RGS6: variants seen among roughly 807,000 people sequenced by gnomAD.
RGS6 encodes regulator of G protein signaling 6, also known as regulator of G-protein signaling 6.
RGS6 carries 30 observed loss-of-function variants against 78.5 expected under a neutral mutation model. That is an observed-to-expected ratio of 0.38 (90% CI 0.29 to 0.52). RGS6 has a LOEUF of 0.52. Ranked by LOEUF, RGS6 falls within the 20% of genes least tolerant of loss-of-function variation. The pLI is 0.85. For synonymous variants in RGS6, 206 were observed against 206.0 expected, an observed-to-expected ratio of 1.00 and a Z score of 0.00; for missense variants, 495 against 609.7, an observed-to-expected ratio of 0.81 and a Z score of 1.98.
intron 3 of RGS6, among the ~76,000 whole-genome samples, chr14:72,408,980 A>G (rs1431664479): frequency 6.6e-6 from 1 of 152,226 alleles, no homozygotes; most frequent in African/African-American, 2.4e-5. Flanking sequence ...GTAAAATAGA[A>G]AATGACTCTT....
intron 3 of RGS6, among the ~76,000 whole-genome samples, chr14:72,444,073 G>A (rs904696680): frequency 2.6e-5 from 4 of 152,076 alleles, no homozygotes; most frequent in Non-Finnish European, 4.4e-5. Flanking sequence ...CCACCCCCAC[G>A]TCTGCTGCTG....
intron 2 of RGS6, among the ~76,000 whole-genome samples, chr14:72,186,282 A>G (rs1187877325): frequency 2.6e-5 from 4 of 152,286 alleles, no homozygotes; most frequent in Non-Finnish European, 5.9e-5. Flanking sequence ...TGTTATTTCT[A>G]AGTGTATTTT....
intron 7 of RGS6, 154 bp from the exon 8 acceptor site, chr14:72,469,853 A>T: frequency 1.6e-6 from 1 of 623,066 alleles, no homozygotes; most frequent in Admixed American, 2.7e-5. Context: ...TCTGGCGCAA[A>T]GTCAAATGGG....
At chr14:72,088,470 G>A (rs1436822590) in intron 2 of RGS6, among the ~76,000 whole-genome samples, 1 of 152,074 alleles carries the variant, frequency 6.6e-6, no homozygotes, top group African/African-American at 2.4e-5. Context: ...ACAGAAGTGG[G>A]GCTTCATTTG....
At chr14:71,890,138 T>C in the RGS6 span, among the ~76,000 whole-genome samples, 2 of 152,152 alleles carry the variant, frequency 1.3e-5, no homozygotes, top group Non-Finnish European at 2.9e-5. Flanking sequence ...GCTCAGTCTC[T>C]GGTATTTCTT....
At chr14:72,046,079 G>A (rs1329566831) in intron 2 of RGS6, among the ~76,000 whole-genome samples, 1 of 151,936 alleles carries the variant, frequency 6.6e-6, no homozygotes, top group Non-Finnish European at 1.5e-5. Flanking sequence ...GCTCACTGAC[G>A]TCATCCATCC....
At chr14:72,198,233 G>A (rs1472046348) in intron 2 of RGS6, among the ~76,000 whole-genome samples, 2 of 152,136 alleles carry the variant, frequency 1.3e-5, no homozygotes, top group Non-Finnish European at 2.9e-5. Context: ...TGCACGTGTA[G>A]TCCCAGCTAC....
At chr14:72,550,150 A>C (rs1005368409) in intron 17 of RGS6, among the ~76,000 whole-genome samples, 1 of 152,122 alleles carries the variant, frequency 6.6e-6, no homozygotes, top group African/African-American at 2.4e-5. Flanking sequence ...TTTGCTTTCA[A>C]ATTCTTTGAG....
intron 3 of RGS6, among the ~76,000 whole-genome samples, chr14:72,400,624 A>G (rs756101667): frequency 5.3e-5 from 8 of 152,246 alleles, no homozygotes; most frequent in Non-Finnish European, 1.2e-4. Flanking sequence ...GATTCTGTTC[A>G]GTAACCATAA....
intron 12 of RGS6, among the ~76,000 whole-genome samples, chr14:72,493,117 C>T (rs1007606089): frequency 2.6e-5 from 4 of 152,114 alleles, no homozygotes; most frequent in East Asian, 3.9e-4. Flanking sequence ...CCCACTGAGC[C>T]GCCAAGCAGG....
chr14:71,870,183 T>A, the RGS6 span, among the ~76,000 whole-genome samples: 1 of 151,982 alleles, frequency 6.6e-6, no homozygotes, highest in East Asian at 1.9e-4. Context: ...ATCAAAACCA[T>A]CTCTACTGAG....
At chr14:72,080,062 T>C (rs1370073887) in intron 2 of RGS6, among the ~76,000 whole-genome samples, 1 of 152,188 alleles carries the variant, frequency 6.6e-6, no homozygotes. Context: ...AGGGATTGGA[T>C]TGCTGTATCA....
intron 2 of RGS6, among the ~76,000 whole-genome samples, chr14:72,101,696 A>T (rs2095531942): frequency 6.6e-6 from 1 of 152,156 alleles, no homozygotes; most frequent in Non-Finnish European, 1.5e-5. Flanking sequence ...CTCTGTTCCC[A>T]AGTACCTTCT....
At chr14:72,205,140 G>A (rs965706228) in intron 2 of RGS6, among the ~76,000 whole-genome samples, 1 of 152,122 alleles carries the variant, frequency 6.6e-6, no homozygotes, top group Non-Finnish European at 1.5e-5. Context: ...TTCCTGTAAG[G>A]AAGGAGAAGC....
rs946629014 is a variant in RGS6, at chr14:72,495,189, C to A, written c.892C>A (p.Pro298Thr). 3.7e-6 allele frequency: 6 copies of A among 1,613,384 alleles called. No homozygotes were observed. The highest frequency in any genetic ancestry group is 8.5e-7 in the Non-Finnish European group (1 of 1,179,530). The change falls in exon 13 of 18, where the codon CCT becomes ACT. Residue 298 changes from proline (P) to threonine (T), a missense_variant. Physicochemically the swap from Pro to Thr is conservative, Grantham distance 38. Transcript: ENST00000553525. ...CACGGAACAATATGTGGAATATGAC[C>A]CTTTGATAACACCAGCTGAGCCATC... ...AYTEQYVEYD[P>T]LITPAEPSNP...
intron 1 of RGS6, among the ~76,000 whole-genome samples, chr14:71,948,669 C>T (rs1345222381): frequency 6.6e-6 from 1 of 151,486 alleles, no homozygotes; most frequent in Non-Finnish European, 1.5e-5. Flanking sequence ...CCTCATGGGC[C>T]CTCCCAGTAA....
intron 6 of RGS6, among the ~76,000 whole-genome samples, chr14:72,461,834 C>T (rs1054138644): frequency 2.0e-5 from 3 of 152,166 alleles, no homozygotes; most frequent in Non-Finnish European, 2.9e-5. Context: ...TGGCAAATTA[C>T]TTAACCTCTC....
the RGS6 span, among the ~76,000 whole-genome samples, chr14:72,599,123 AG>A: frequency 6.6e-6 from 1 of 152,138 alleles, no homozygotes; most frequent in Non-Finnish European, 1.5e-5. Flanking sequence ...AATTCAGGGG[AG>A]GGGAAAGGAG....
At chr14:72,501,279 C>A (rs1478225078) in intron 13 of RGS6, among the ~76,000 whole-genome samples, 2 of 152,102 alleles carry the variant, frequency 1.3e-5, no homozygotes, top group Admixed American at 1.3e-4. Context: ...AATAGAATCA[C>A]GGATAAGATG....
Sources: allele counts gnomAD v4.1 joint callset (sites outside exome capture counted in the v4.1 genomes callset), GRCh38; gene constraint gnomAD v4.1.1; transcripts MANE v1.5; gene names NCBI Gene and HGNC (gene_info 2026-07-23, HGNC 2026-07-21).